The following ZEB2 variants were observed in gnomAD, a reference collection of about 807,000 sequenced individuals.
ZEB2 encodes zinc finger E-box-binding homeobox 2.
Under a neutral mutation model 99.9 loss-of-function variants are expected in ZEB2, and 6 were observed. The observed-to-expected ratio is 0.06, with a 90% CI of 0.03 to 0.12. The LOEUF is 0.12. Among genes scored for constraint, ZEB2 ranks in the 10% least tolerant of loss-of-function variants. The pLI is 1.00. For synonymous variants in ZEB2, 517 were observed against 542.5 expected, an observed-to-expected ratio of 0.95 and a Z score of 0.65; for missense variants, 969 against 1,502.8, an observed-to-expected ratio of 0.64 and a Z score of 5.87.
At chr2:144,486,075 A>C (rs1305444724) in intron 2 of ZEB2, among the ~76,000 whole-genome samples, 1 of 152,210 alleles carries the variant, frequency 6.6e-6, no homozygotes, top group East Asian at 1.9e-4. Flanking sequence ...AGTGACATAT[A>C]TTTTTACCTA....
chr2:144,413,571 A>C (rs1480316393), intron 4 of ZEB2, among the ~76,000 whole-genome samples: 1 of 152,212 alleles, frequency 6.6e-6, no homozygotes, highest in East Asian at 1.9e-4. Flanking sequence ...CAATGTATGA[A>C]GTTAACTAAG....
At chr2:144,394,154 C>A (rs924470464) in intron 9 of ZEB2, among the ~76,000 whole-genome samples, 5 of 152,180 alleles carry the variant, frequency 3.3e-5, no homozygotes, top group Non-Finnish European at 7.3e-5. Flanking sequence ...CTCCCGCTCT[C>A]AGGTGATCCA....
intron 4 of ZEB2, among the ~76,000 whole-genome samples, chr2:144,422,685 A>C (rs1473903921): frequency 6.6e-6 from 1 of 152,144 alleles, no homozygotes; most frequent in Non-Finnish European, 1.5e-5. Flanking sequence ...CTGAAATCCC[A>C]GCTACTAGGG....
Position 144,389,844 on chromosome 2 carries a change from C to A in ZEB2, c.3252G>T (p.Glu1084Asp). The change falls in exon 10 of 10, where the codon GAG becomes GAT. Residue 1084 changes from glutamate to aspartate, a missense_variant. Coordinates refer to ENST00000627532, the MANE Select transcript of ZEB2 (RefSeq NM_014795.4). This position sits in a 1 kb window ranked among gnomAD's most constrained non-coding sequence, Gnocchi z 6.8. ...MNHRYSYCKREAEEREAAERE... is the reference protein window; with the variant it reads ...MNHRYSYCKRDAEEREAAERE... The stretch of plus-strand genomic sequence containing the variant: ...GCTCCGCCGCTTCCCGCTCCTCCGC[C>A]TCCCGCTTGCAGTAGGAATACCTGT... 6.2e-7 allele frequency: 1 copy of A among 1,613,586 alleles called. No homozygotes were observed. The highest frequency in any genetic ancestry group is 8.5e-7 in the Non-Finnish European group (1 of 1,179,632).
chr2:144,453,220 C>T (rs896634226), intron 2 of ZEB2, among the ~76,000 whole-genome samples: 2 of 152,150 alleles, frequency 1.3e-5, no homozygotes, highest in Admixed American at 6.5e-5. Context: ...CAGAAAGGAC[C>T]AATTTGTTAG....
chr2:144,498,249 A>T (rs980598823), intron 2 of ZEB2, among the ~76,000 whole-genome samples: 2 of 145,468 alleles, frequency 1.4e-5, no homozygotes, highest in African/African-American at 2.6e-5. Flanking sequence ...TAAGATTTCT[A>T]CTGCAAATAT....
intron 2 of ZEB2, among the ~76,000 whole-genome samples, chr2:144,469,617 G>A (rs1285939619): frequency 6.6e-6 from 1 of 152,126 alleles, no homozygotes; most frequent in Non-Finnish European, 1.5e-5. Context: ...CCATCAGGCT[G>A]CTTTAGTCCT....
chr2:144,513,886 A>G, intron 2 of ZEB2: 1 of 1,519,212 alleles, frequency 6.6e-7, no homozygotes, highest in East Asian at 2.5e-5. Context: ...AAAGTGTTAC[A>G]AAGTGAGTCA....
At chr2:144,458,702 C>T (rs1704153989) in intron 2 of ZEB2, among the ~76,000 whole-genome samples, 1 of 152,114 alleles carries the variant, frequency 6.6e-6, no homozygotes, top group Non-Finnish European at 1.5e-5. Flanking sequence ...TCAGGTTTAA[C>T]TAAATAATTT....
chr2:144,432,359 G>GTATGCCAT (rs1703785151), intron 2 of ZEB2, among the ~76,000 whole-genome samples: 1 of 152,172 alleles, frequency 6.6e-6, no homozygotes, highest in East Asian at 1.9e-4. Context: ...ATCTTTTCTA[G>GTATGCCAT]CGCTGTGTTA....
intron 2 of ZEB2, among the ~76,000 whole-genome samples, chr2:144,507,093 A>G (rs1704961173): frequency 6.6e-6 from 1 of 152,186 alleles, no homozygotes; most frequent in Admixed American, 6.5e-5. Context: ...TGGCCAACTG[A>G]CCAGTTCTGT....
At chr2:144,505,728 C>T (rs571469884) in intron 2 of ZEB2, among the ~76,000 whole-genome samples, 1 of 152,234 alleles carries the variant, frequency 6.6e-6, no homozygotes, top group South Asian at 2.1e-4. Flanking sequence ...TTTGACAGCA[C>T]AAAAACACTG....
intron 2 of ZEB2, among the ~76,000 whole-genome samples, chr2:144,474,428 T>C (rs753858457): frequency 3.9e-5 from 6 of 152,232 alleles, no homozygotes; most frequent in Non-Finnish European, 8.8e-5. Flanking sequence ...AGTTTCCCTG[T>C]AGGTAAAGCC....
intron 9 of ZEB2, among the ~76,000 whole-genome samples, chr2:144,395,663 C>T (rs1261299385): frequency 6.6e-6 from 1 of 152,134 alleles, no homozygotes; most frequent in African/African-American, 2.4e-5. Flanking sequence ...AACCATAGAG[C>T]TGCAGATCTT....
At chr2:144,429,689 G>A in intron 3 of ZEB2, 80 bp downstream of exon 3, 1 of 1,601,932 alleles carries the variant, frequency 6.2e-7, no homozygotes, top group Middle Eastern at 1.7e-4. Context: ...ATTTGGTTGT[G>A]GGCGATCTGC....
intron 1 of ZEB2, chr2:144,518,056 T>C: frequency 4.7e-6 from 1 of 213,284 alleles, no homozygotes; most frequent in Non-Finnish European, 9.3e-6. Flanking sequence ...AATATAATTA[T>C]AAGCCTCTTT....
chr2:144,491,630 G>C (rs545900657), intron 2 of ZEB2, among the ~76,000 whole-genome samples: 98 of 152,242 alleles, frequency 6.4e-4, no homozygotes, highest in Non-Finnish European at 1.1e-3. Context: ...CAGCATATAG[G>C]AAATGGTTCA....
intron 9 of ZEB2, among the ~76,000 whole-genome samples, chr2:144,395,334 G>A (rs1417003738): frequency 2.6e-5 from 4 of 151,646 alleles, no homozygotes; most frequent in Admixed American, 6.6e-5. Flanking sequence ...TTTTTCTTTT[G>A]TGCCTCATCA....
intron 2 of ZEB2, chr2:144,503,983 G>A (rs775325556): frequency 2.0e-5 from 3 of 149,210 alleles, no homozygotes; most frequent in Non-Finnish European, 4.4e-5. Flanking sequence ...CTGAGCTCTA[G>A]TCTCTGTGAA....
Sources: allele counts gnomAD v4.1 joint callset (sites outside exome capture counted in the v4.1 genomes callset), GRCh38; gene constraint gnomAD v4.1.1; non-coding constraint Gnocchi (gnomAD v3.1); transcripts MANE v1.5; gene names NCBI Gene and HGNC (gene_info 2026-07-23, HGNC 2026-07-21).